The following PDE2A variants were observed in gnomAD, a reference collection of about 807,000 sequenced individuals.
PDE2A encodes phosphodiesterase 2A.
A neutral mutation model predicts 133.6 loss-of-function variants in PDE2A; 53 were observed. The observed-to-expected ratio is 0.40, with a 90% confidence interval of 0.32 to 0.50. The LOEUF (loss-of-function observed/expected upper bound fraction) is 0.50, where lower values mean the gene tolerates loss of function less well. Ranked by LOEUF, PDE2A falls within the 20% of genes least tolerant of loss-of-function variation. The pLI is 0.73. For synonymous variants in PDE2A, 491 were observed against 490.2 expected, an observed-to-expected ratio of 1.00 and a Z score of -0.02; for missense variants, 796 against 1,232.4, an observed-to-expected ratio of 0.65 and a Z score of 5.30.
intron 1 of PDE2A, among the ~76,000 whole-genome samples, chr11:72,661,822 G>A (rs1473186248): frequency 6.6e-6 from 1 of 152,220 alleles, no homozygotes; most frequent in Non-Finnish European, 1.5e-5. Context: ...TCGTACCTGT[G>A]TTGCATATCT....
intron 13 of PDE2A, among the ~76,000 whole-genome samples, chr11:72,588,159 C>T (rs1041198887): frequency 2.0e-5 from 3 of 152,168 alleles, no homozygotes; most frequent in Non-Finnish European, 4.4e-5. Context: ...TCTCCCTGAA[C>T]TAAGATCCAT....
Position 72,598,844 on chromosome 11 carries a change from C to T in PDE2A, c.324-1225G>A, listed in dbSNP as rs191568144. Reference sequence around the variant, plus strand: ...TAAGTAATCCAGGATCTACAGGAACCGGTGGTGTCTCCCACCTTCCAGCCC... The same window carrying T: ...TAAGTAATCCAGGATCTACAGGAACTGGTGGTGTCTCCCACCTTCCAGCCC... On this transcript the variant is annotated intron_variant, in intron 4 of 30. Transcript: ENST00000334456. The T allele has an allele frequency of 4.3e-5, 42 of 985,308 alleles. No homozygotes were observed. In the Admixed American group the frequency reaches 1.4e-3, roughly 32 times the overall value. 61.0% of individuals were successfully genotyped at this position (985,308 alleles called of 1,614,324 possible). A position where few individuals can be genotyped will look rare whatever the true frequency, so the allele number is the denominator to read the frequency against.
intron 2 of PDE2A, among the ~76,000 whole-genome samples, chr11:72,613,772 G>A (rs1278159147): frequency 6.6e-6 from 1 of 152,172 alleles, no homozygotes; most frequent in Admixed American, 6.5e-5. Context: ...AACCCAGGAA[G>A]GCAGCTAGAG....
In PDE2A at chr11:72,590,717, TCCCTGGACTCTA is replaced by T; in HGVS notation, c.550-149_550-138del. 2.6e-6 allele frequency: 2 copies of T among 777,732 alleles called. No homozygotes were observed. Among genetic ancestry groups the T allele is most frequent in the Non-Finnish European group, 3.7e-6 (2 of 541,116 alleles). 48.2% of individuals were successfully genotyped at this position (777,732 alleles called of 1,614,324 possible). A position where few individuals can be genotyped will look rare whatever the true frequency, so the allele number is the denominator to read the frequency against. ...CCCCGCCGCCGTCCCAAACACCTCA[TCCCTGGACTCTA>T]CCTTCCTGAGGGCTCCCCCGGGGGC... On this transcript the variant is annotated intron_variant, in intron 7 of 30. Transcript: ENST00000334456. This position sits in a 1 kb window ranked among gnomAD's most constrained non-coding sequence, Gnocchi z 4.8.
At chr11:72,648,812 G>C (rs949516633) in intron 1 of PDE2A, among the ~76,000 whole-genome samples, 1 of 152,106 alleles carries the variant, frequency 6.6e-6, no homozygotes, top group Admixed American at 6.5e-5. Flanking sequence ...ACACCCCTAT[G>C]CACAATTGGA....
intron 2 of PDE2A, among the ~76,000 whole-genome samples, chr11:72,626,226 T>C (rs1858057281): frequency 6.6e-6 from 1 of 152,242 alleles, no homozygotes; most frequent in African/African-American, 2.4e-5. Flanking sequence ...TGCCCATCTC[T>C]CTCTTTACTC....
At chr11:72,640,558 C>T (rs1293454644) in intron 2 of PDE2A, among the ~76,000 whole-genome samples, 1 of 152,138 alleles carries the variant, frequency 6.6e-6, no homozygotes, top group Non-Finnish European at 1.5e-5. Context: ...CACTCAGGTC[C>T]TAATAGATAT....
chr11:72,584,196 CT>C lies in PDE2A; in HGVS notation c.1650+4del. The C allele has an allele frequency of 6.5e-7, 1 of 1,548,010 alleles. No individual in the cohort carries two copies. The highest frequency in any genetic ancestry group is 8.9e-7 in the Non-Finnish European group (1 of 1,121,196). ...CCCACACCCCACTCCCAACCCCGCC[CT>C]CACATGGGCGATGCTGATGCCGCAG... On this transcript the variant is annotated splice_donor_region_variant and intron_variant, in intron 19 of 30. Coordinates refer to ENST00000334456, the MANE Select transcript of PDE2A (RefSeq NM_002599.5).
chr11:72,589,568 A>G (rs755255204), intron 11 of PDE2A, among the ~76,000 whole-genome samples, 183 bp downstream of exon 11: 1 of 152,238 alleles, frequency 6.6e-6, no homozygotes, highest in African/African-American at 2.4e-5. Context: ...GATTCTTCCT[A>G]ATAGAGCCTG....
chr11:72,606,264 C>T (rs1021849023), intron 3 of PDE2A, among the ~76,000 whole-genome samples: 3 of 152,064 alleles, frequency 2.0e-5, no homozygotes, highest in South Asian at 2.1e-4. Context: ...CTGTTTTCTC[C>T]GCAGGAGGAT....
chr11:72,592,160 C>G (rs568136681), intron 6 of PDE2A, among the ~76,000 whole-genome samples: 2 of 152,154 alleles, frequency 1.3e-5, no homozygotes, highest in Non-Finnish European at 2.9e-5. Context: ...GGGTGCTTGT[C>G]GAGGAAAATG....
At chr11:72,614,282 A>G (rs1215515750) in intron 2 of PDE2A, among the ~76,000 whole-genome samples, 7 of 152,228 alleles carry the variant, frequency 4.6e-5, no homozygotes, top group Non-Finnish European at 8.8e-5. Flanking sequence ...ACTTCTCTCA[A>G]TGAGGCTGAG....
intron 2 of PDE2A, among the ~76,000 whole-genome samples, chr11:72,622,048 C>T (rs1245170008): frequency 2.0e-5 from 3 of 152,142 alleles, no homozygotes; most frequent in African/African-American, 7.2e-5. Flanking sequence ...CTTGAATCAA[C>T]ATTTTCCCAA....
intron 2 of PDE2A, chr11:72,636,205 G>T: frequency 1.0e-6 from 1 of 965,694 alleles, no homozygotes; most frequent in Non-Finnish European, 1.3e-6. Context: ...AGCTGCAGGG[G>T]GCAGCCACAT....
At chr11:72,589,125 G>T in intron 12 of PDE2A, 50 bp downstream of exon 12, 4 of 1,496,516 alleles carry the variant, frequency 2.7e-6, no homozygotes, top group Non-Finnish European at 3.7e-6. Context: ...TCTAGGGGCT[G>T]GCAGTGGGGT....
chr11:72,607,600 G>A (rs1183310926), intron 3 of PDE2A, among the ~76,000 whole-genome samples: 1 of 152,190 alleles, frequency 6.6e-6, no homozygotes, highest in Non-Finnish European at 1.5e-5. Flanking sequence ...GAGAGGGAAT[G>A]GGGCTGCTTA....
chr11:72,592,599 C>T (rs73542588), intron 6 of PDE2A, among the ~76,000 whole-genome samples: 1,876 of 152,228 alleles, frequency 0.012, 43 homozygotes, highest in African/African-American at 0.043. Flanking sequence ...AGGACACTGG[C>T]GGTAGGTGGT....
chr11:72,589,990 G>A lies in PDE2A; in HGVS notation c.757-9C>T. On this transcript the variant is annotated splice_polypyrimidine_tract_variant and intron_variant, in intron 9 of 30. Coordinates refer to ENST00000334456, the MANE Select transcript of PDE2A (RefSeq NM_002599.5). ...CGGGTCTCCTGCTGCAGCTGAGAGA[G>A]GGACAGGCAGGGCGAGGGGGTGACC... The A allele has an allele frequency of 6.2e-7, 1 of 1,608,502 alleles. No individual in the cohort carries two copies. Among genetic ancestry groups the A allele is most frequent in the Non-Finnish European group, 8.5e-7 (1 of 1,177,578 alleles).
At chr11:72,654,112 C>A (rs567006861) in intron 1 of PDE2A, among the ~76,000 whole-genome samples, 4 of 152,310 alleles carry the variant, frequency 2.6e-5, no homozygotes, top group Middle Eastern at 3.4e-3. Flanking sequence ...GGCAGAGCTC[C>A]AGCCCTGGGA....
Sources: allele counts gnomAD v4.1 joint callset (sites outside exome capture counted in the v4.1 genomes callset), GRCh38; gene constraint gnomAD v4.1.1; non-coding constraint Gnocchi (gnomAD v3.1); transcripts MANE v1.5; gene names NCBI Gene and HGNC (gene_info 2026-07-23, HGNC 2026-07-21).